ENOX1: variants seen among roughly 807,000 people sequenced by gnomAD.
The protein encoded by ENOX1 is candidate growth-related and time keeping constitutive hydroquinone (NADH) oxidase.
ENOX1 carries 42 observed loss-of-function variants against 82.5 expected under a neutral mutation model. The ratio of observed to expected loss-of-function variants is 0.51; its 90% CI spans 0.40 to 0.66. The LOEUF (loss-of-function observed/expected upper bound fraction) is 0.66. ENOX1 is among the 30% of genes least tolerant of loss of function. The pLI is 0.00. For synonymous variants in ENOX1, 271 were observed against 282.2 expected (o/e 0.96, Z 0.40); for missense variants, 608 against 811.6 (o/e 0.75, Z 3.05).
intron 3 of ENOX1, among the ~76,000 whole-genome samples, chr13:43,415,232 G>GTTTTTTTTT (rs71202260): frequency 4.2e-4 from 23 of 54,632 alleles, no homozygotes; most frequent in African/African-American, 1.6e-3. Flanking sequence ...CCAATCCAAT[G>GTTTTTTTTT]TTTTTTTTTT....
chr13:43,428,723 A>G (rs1292232269), intron 3 of ENOX1, among the ~76,000 whole-genome samples: 1 of 152,198 alleles, frequency 6.6e-6, no homozygotes. Context: ...TACAAGGAAG[A>G]GGCCTGGAAT....
chr13:43,579,764 A>G (rs958370045), intron 2 of ENOX1, among the ~76,000 whole-genome samples: 1 of 152,224 alleles, frequency 6.6e-6, no homozygotes, highest in Admixed American at 6.5e-5. Context: ...AGATCTTCAA[A>G]TAAGTCAAAA....
At chr13:43,721,412 T>C (rs1484649175) in intron 1 of ENOX1, among the ~76,000 whole-genome samples, 2 of 130,406 alleles carry the variant, frequency 1.5e-5, no homozygotes, top group Non-Finnish European at 3.2e-5. Context: ...GGAGTCTTGC[T>C]CTGTCGCCCA....
chr13:43,671,068 T>G (rs147531542), intron 1 of ENOX1, among the ~76,000 whole-genome samples: 83 of 152,264 alleles, frequency 5.5e-4, no homozygotes, highest in African/African-American at 1.9e-3. Context: ...CCCCATACTC[T>G]TCTAGTGATA....
Position 43,382,940 on chromosome 13 carries a change from A to T in ENOX1, c.209-21488T>A, listed in dbSNP as rs577073365. Among the ~76,000 whole-genome samples, 20 of 152,334 alleles carry T rather than the reference A, an allele frequency of 1.3e-4. 1 individual carries two copies. The South Asian group carries it at 4.1e-3, about 32-fold the overall frequency. On this transcript the variant is annotated intron_variant, in intron 5 of 16. Transcript: ENST00000690772. ...GGCATGGTTGTCCTCCCTGGCAGCAACTTAAAAGCATCAGATATGCATATA... is the reference window on the plus strand; with the variant it reads ...GGCATGGTTGTCCTCCCTGGCAGCATCTTAAAAGCATCAGATATGCATATA...
intron 5 of ENOX1, among the ~76,000 whole-genome samples, chr13:43,407,232 G>T (rs1200294776): frequency 6.6e-6 from 1 of 152,168 alleles, no homozygotes; most frequent in Admixed American, 6.5e-5. Flanking sequence ...TGAGAAGAAG[G>T]TTTCAGGCAA....
chr13:43,750,265 G>GAA (rs1950237734), intron 1 of ENOX1, among the ~76,000 whole-genome samples: 1 of 152,136 alleles, frequency 6.6e-6, no homozygotes. Context: ...TCAGGAAGTG[G>GAA]AAACATCTAC....
intron 5 of ENOX1, among the ~76,000 whole-genome samples, chr13:43,378,041 C>T (rs568366628): frequency 9.9e-4 from 146 of 148,046 alleles, no homozygotes; most frequent in African/African-American, 3.2e-3. Flanking sequence ...AAATGTTTGA[C>T]TTTTACTCTG....
chr13:43,407,831 C>A (rs768208442), intron 5 of ENOX1, among the ~76,000 whole-genome samples: 46 of 152,298 alleles, frequency 3.0e-4, no homozygotes, highest in Non-Finnish European at 5.6e-4. Flanking sequence ...TAGATCTACA[C>A]CAATGCACAA....
intron 1 of ENOX1, among the ~76,000 whole-genome samples, chr13:43,725,085 T>C (rs2088848484): frequency 6.6e-6 from 1 of 152,180 alleles, no homozygotes; most frequent in African/African-American, 2.4e-5. Context: ...TCAGACATGA[T>C]TACATGGATA....
At chr13:43,467,837 G>A (rs967762538) in intron 3 of ENOX1, among the ~76,000 whole-genome samples, 4 of 152,130 alleles carry the variant, frequency 2.6e-5, no homozygotes, top group African/African-American at 9.7e-5. Context: ...TGTATATGGT[G>A]TGACACAAGC....
At chr13:43,357,595 G>A (rs758671554) in intron 7 of ENOX1, among the ~76,000 whole-genome samples, 6 of 152,128 alleles carry the variant, frequency 3.9e-5, no homozygotes, top group Non-Finnish European at 7.3e-5. Flanking sequence ...AGTGATACAC[G>A]CATAACAGCT....
chr13:43,500,597 G>C (rs751260405), intron 2 of ENOX1, among the ~76,000 whole-genome samples: 13 of 151,958 alleles, frequency 8.6e-5, no homozygotes, highest in Non-Finnish European at 1.5e-5. Flanking sequence ...AGTTCTTCAA[G>C]TTGTTACAAA....
intron 1 of ENOX1, among the ~76,000 whole-genome samples, chr13:43,756,980 A>AAC (rs1950688560): frequency 6.8e-6 from 1 of 148,010 alleles, no homozygotes; most frequent in East Asian, 1.9e-4. Context: ...AACAAAAAAA[A>AAC]AAAAAAAAAA....
intron 2 of ENOX1, among the ~76,000 whole-genome samples, chr13:43,639,072 G>A (rs561357278): frequency 6.6e-6 from 1 of 152,070 alleles, no homozygotes; most frequent in South Asian, 2.1e-4. Context: ...GGGAAGCCAA[G>A]GCGGGCAGAT....
At chr13:43,473,328 C>T (rs2058147104) in intron 3 of ENOX1, among the ~76,000 whole-genome samples, 1 of 152,118 alleles carries the variant, frequency 6.6e-6, no homozygotes. Flanking sequence ...ATGAAAAATA[C>T]ATTCTATTCC....
At chr13:43,757,535 T>G (rs777798272) in intron 1 of ENOX1, among the ~76,000 whole-genome samples, 5 of 152,188 alleles carry the variant, frequency 3.3e-5, no homozygotes, top group Non-Finnish European at 5.9e-5. Context: ...CAGCCGGCTC[T>G]GAGCCACTCT....
At chr13:43,373,452 C>A (rs2051383888) in intron 5 of ENOX1, among the ~76,000 whole-genome samples, 1 of 152,084 alleles carries the variant, frequency 6.6e-6, no homozygotes, top group Non-Finnish European at 1.5e-5. Context: ...GGTGTTGTAC[C>A]CGACACACCA....
chr13:43,314,273 T>C (rs1022763642), intron 11 of ENOX1, among the ~76,000 whole-genome samples: 2 of 152,180 alleles, frequency 1.3e-5, no homozygotes, highest in Non-Finnish European at 2.9e-5. Flanking sequence ...ATAATAATAA[T>C]TTCCTATAAA....
Sources: allele counts gnomAD v4.1 joint callset (sites outside exome capture counted in the v4.1 genomes callset), GRCh38; gene constraint gnomAD v4.1.1; transcripts MANE v1.5; gene names NCBI Gene and HGNC (gene_info 2026-07-23, HGNC 2026-07-21).